The following NMT2 variants were observed in gnomAD, a reference collection of about 807,000 sequenced individuals.
NMT2 encodes the protein glycylpeptide N-tetradecanoyltransferase 2.
A neutral mutation model predicts 65.4 loss-of-function variants in NMT2; 35 were observed. That is an observed-to-expected ratio of 0.54 (90% CI 0.41 to 0.71). The LOEUF (loss-of-function observed/expected upper bound fraction) is 0.71, where lower values mean the gene tolerates loss of function less well. NMT2 is among the 30% of genes least tolerant of loss of function. The pLI is 0.00. For missense variants in NMT2, 489 were observed against 611.3 expected (o/e 0.80, Z 2.11); for synonymous variants, 226 against 231.8 (o/e 0.98, Z 0.23).
At chr10:15,114,532 C>G (rs996062471) in intron 9 of NMT2, among the ~76,000 whole-genome samples, 89 of 152,286 alleles carry the variant, frequency 5.8e-4, no homozygotes, top group African/African-American at 2.0e-3. Context: ...TAAGCAACTT[C>G]TAACAACTTT....
rs1201948522 is a variant in NMT2 at position 15,108,188 on chromosome 10, C to CT, written c.*1006dup. On this transcript the variant is annotated 3_prime_UTR_variant, in exon 12 of 12. Transcript: ENST00000378165. The stretch of plus-strand genomic sequence containing the variant: ...AGTTAGTCGCGGGTACAGGCTCTTT[C>CT]TTTTTTTTTTTTTTTGAGACGGAGT... The CT allele has an allele frequency of 0.18, 140,464 of 796,324 alleles. 2,550 individuals are homozygous for CT. Among genetic ancestry groups the CT allele is most frequent in the African/African-American group, 0.36 (18,446 of 51,888 alleles). The allele number at this position is 796,324 out of a possible 1,614,324, so 49.3% of individuals were successfully genotyped here.
intron 6 of NMT2, 98 bp from the exon 7 acceptor site, chr10:15,130,410 A>G: frequency 6.5e-6 from 6 of 928,684 alleles, no homozygotes; most frequent in Non-Finnish European, 6.1e-6. Context: ...GGAAATATCC[A>G]AGAATAAGAA....
chr10:15,168,309 C>A, intron 1 of NMT2, 194 bp downstream of exon 1: 1 of 456,516 alleles, frequency 2.2e-6, no homozygotes, highest in Admixed American at 4.2e-5. Flanking sequence ...CCCCGGGCCT[C>A]GCCTCCCCGC....
At chr10:15,113,925 G>A (rs761543747) in intron 9 of NMT2, among the ~76,000 whole-genome samples, 1 of 152,192 alleles carries the variant, frequency 6.6e-6, no homozygotes, top group Non-Finnish European at 1.5e-5. Flanking sequence ...TAGCTGTGGT[G>A]GCCTTGCTGA....
Position 15,108,833 on chromosome 10 carries a change from T to C in NMT2, c.*362A>G, listed in dbSNP as rs1163634058. 3.8e-6 allele frequency: 4 copies of C among 1,059,506 alleles called. No individual in the cohort carries two copies. Among genetic ancestry groups the C allele is most frequent in the African/African-American group, 1.7e-5 (1 of 57,994 alleles). The allele number at this position is 1,059,506 out of a possible 1,614,324, so 65.6% of individuals were successfully genotyped here. On this transcript the variant is annotated 3_prime_UTR_variant, in exon 12 of 12. Transcript: ENST00000378165. Reference sequence around the variant, plus strand: ...AATGCAGCAATTTCTCTCCACACAATAGCAAAGATTTTCTTACATGACTCT... The same window carrying C: ...AATGCAGCAATTTCTCTCCACACAACAGCAAAGATTTTCTTACATGACTCT...
chr10:15,155,288 G>A (rs752533257), intron 1 of NMT2: 1 of 1,393,280 alleles, frequency 7.2e-7, no homozygotes, highest in African/African-American at 1.4e-5. Context: ...CGCTGTTGAT[G>A]GCGATGTTGA....
intron 1 of NMT2, among the ~76,000 whole-genome samples, chr10:15,144,190 TTC>T (rs377254451): frequency 3.9e-5 from 6 of 152,194 alleles, no homozygotes; most frequent in African/African-American, 7.2e-5. Flanking sequence ...GTTTTTCTTT[TTC>T]TCTCTTTCAT....
chr10:15,163,142 G>A lies in NMT2; in HGVS notation c.110+5361C>T, dbSNP rs1564595095. Among the ~76,000 whole-genome samples, 4 of 152,068 alleles carry A rather than the reference G, an allele frequency of 2.6e-5. No homozygotes were observed. In the East Asian group the frequency reaches 7.7e-4, roughly 29 times the overall value. ...TCCCCAGGTTGATCTTGAATTCTTGGCCTCAAGCGATCCTCCACCTTGGCT... is the reference window on the plus strand; with the variant it reads ...TCCCCAGGTTGATCTTGAATTCTTGACCTCAAGCGATCCTCCACCTTGGCT... On this transcript the variant is annotated intron_variant, in intron 1 of 11. Coordinates refer to ENST00000378165, the MANE Select transcript of NMT2 (RefSeq NM_004808.3).
At chr10:15,130,395 A>G in intron 6 of NMT2, 83 bp from the exon 7 acceptor site, 3 of 1,029,046 alleles carry the variant, frequency 2.9e-6, no homozygotes, top group Non-Finnish European at 4.1e-6. Context: ...ATAAGATGAT[A>G]CCCAGGAAAT....
intron 1 of NMT2, 112 bp downstream of exon 1, chr10:15,168,391 G>C: frequency 1.4e-6 from 1 of 734,362 alleles, no homozygotes; most frequent in South Asian, 1.6e-5. Context: ...AAGCCATCGC[G>C]GGGCGGAGCG....
chr10:15,117,807 C>G (rs1845794615), intron 9 of NMT2, among the ~76,000 whole-genome samples: 1 of 152,170 alleles, frequency 6.6e-6, no homozygotes, highest in South Asian at 2.1e-4. Context: ...AGTGAAATAT[C>G]TAGCTATACA....
At position 15,119,502 on chromosome 10, in the gene NMT2, A is replaced by T; in HGVS notation, c.1011T>A (p.Thr337=). 1 of 1,613,874 alleles carries T rather than the reference A, an allele frequency of 6.2e-7. No homozygotes were observed. The change falls in exon 9 of 12, where the codon ACT becomes ACA. Residue 337 remains threonine, a synonymous_variant. Transcript: ENST00000378165. ...TTGGTTCCATTGGTCTCAAACCTGAAGTCTTTGTAACCTTGTTGGAGGGGA... is the reference window on the plus strand; with the variant it reads ...TTGGTTCCATTGGTCTCAAACCTGATGTCTTTGTAACCTTGTTGGAGGGGA... ...KLYRLPDVTK[T]SGLRPMEPKD... is the part of the protein sequence containing the mutation.
rs1208310343 is a variant in NMT2, at chr10:15,106,176, T to G, written c.*3019A>C. The G allele has an allele frequency of 4.2e-6, 1 of 240,306 alleles. No individual in the cohort carries two copies. Among genetic ancestry groups the G allele is most frequent in the African/African-American group, 2.4e-5 (1 of 42,030 alleles). 14.9% of individuals were successfully genotyped at this position (240,306 alleles called of 1,614,324 possible). A position where few individuals can be genotyped will look rare whatever the true frequency, so the allele number is the denominator to read the frequency against. On this transcript the variant is annotated 3_prime_UTR_variant, in exon 12 of 12. Coordinates refer to ENST00000378165, the MANE Select transcript of NMT2 (RefSeq NM_004808.3). The stretch of plus-strand genomic sequence containing the variant: ...GTCCGGCTAGTTTTTGTAATTTTAG[T>G]AGAGATAGGGCTTCACCATGTTGGC...
chr10:15,166,990 G>C (rs1477503597), intron 1 of NMT2, among the ~76,000 whole-genome samples: 1 of 152,128 alleles, frequency 6.6e-6, no homozygotes, highest in Non-Finnish European at 1.5e-5. Flanking sequence ...AAAGTCCAGG[G>C]TCTCTCCAGA....
intron 8 of NMT2, among the ~76,000 whole-genome samples, chr10:15,120,521 C>T (rs769714698): frequency 3.3e-5 from 5 of 152,114 alleles, no homozygotes; most frequent in African/African-American, 9.7e-5. Context: ...CACAATGCTA[C>T]GCCATCTTAT....
chr10:15,150,567 T>C (rs1588446927), intron 1 of NMT2, among the ~76,000 whole-genome samples: 1 of 152,070 alleles, frequency 6.6e-6, no homozygotes, highest in South Asian at 2.1e-4. Context: ...GGGATTGGTG[T>C]AGGAAGTATC....
intron 2 of NMT2, 199 bp downstream of exon 2, chr10:15,141,223 A>G (rs1240138013): frequency 1.3e-6 from 1 of 799,556 alleles, no homozygotes; most frequent in East Asian, 2.6e-5. Context: ...CACACACACA[A>G]AAGCACAGTG....
chr10:15,147,095 C>CAAAAAAAAAAAAA lies in NMT2; in HGVS notation c.111-5551_111-5539dup, dbSNP rs34668178. 4.0e-4 allele frequency among the ~76,000 whole-genome samples: 18 copies of CAAAAAAAAAAAAA among 44,520 alleles called. 2 individuals are homozygous for CAAAAAAAAAAAAA. Among genetic ancestry groups the CAAAAAAAAAAAAA allele is most frequent in the East Asian group, 1.1e-3 (1 of 908 alleles). The allele number at this position is 44,520 out of a possible 152,430, so 29.2% of individuals were successfully genotyped here. ...CAACAGCGAAAGATCCTCTCGCTCT[C>CAAAAAAAAAAAAA]AAAAAAAAAAAAAAAAAAAAAAAAA... On this transcript the variant is annotated intron_variant, in intron 1 of 11. Coordinates refer to ENST00000378165, the MANE Select transcript of NMT2 (RefSeq NM_004808.3).
chr10:15,135,394 A>G lies in NMT2; in HGVS notation c.271T>C (p.Leu91=). 1 of 1,614,138 alleles carries G rather than the reference A, an allele frequency of 6.2e-7. No individual in the cohort carries two copies. The highest frequency in any genetic ancestry group is 8.5e-7 in the Non-Finnish European group (1 of 1,180,006). ...TCCATTGCTCTCTGGATATCCTGCAACTTCTGCATTGGAACACTGGGATTC... is the reference window on the plus strand; with the variant it reads ...TCCATTGCTCTCTGGATATCCTGCAGCTTCTGCATTGGAACACTGGGATTC... ...SKNPSVPMQK[L]QDIQRAMELL... is the part of the protein sequence containing the mutation. Residue 91 remains leucine, a synonymous_variant, in exon 3 of 12, where the codon TTG becomes CTG. Coordinates refer to ENST00000378165, the MANE Select transcript of NMT2 (RefSeq NM_004808.3).
Sources: allele counts gnomAD v4.1 joint callset (sites outside exome capture counted in the v4.1 genomes callset), GRCh38; gene constraint gnomAD v4.1.1; transcripts MANE v1.5; gene names NCBI Gene and HGNC (gene_info 2026-07-23, HGNC 2026-07-21).